TET1: variants seen among roughly 807,000 people sequenced by gnomAD.
TET1 encodes tet methylcytosine dioxygenase 1, also known as methylcytosine dioxygenase TET1.
In TET1, 13 loss-of-function variants were observed where a neutral mutation model predicts 148.7. The observed-to-expected ratio is 0.09, with a 90% CI of 0.06 to 0.14. The LOEUF is 0.14. Among genes scored for constraint, TET1 ranks in the 10% least tolerant of loss-of-function variants. The pLI, the probability that TET1 is intolerant of heterozygous loss-of-function variation, is 1.00. For missense variants in TET1, 2,182 were observed against 2,553.8 expected, an observed-to-expected ratio of 0.85 and a Z score of 3.14; for synonymous variants, 907 against 937.2, an observed-to-expected ratio of 0.97 and a Z score of 0.59.
intron 3 of TET1, among the ~76,000 whole-genome samples, chr10:68,636,774 G>A (rs1250180712): frequency 6.6e-6 from 1 of 152,108 alleles, no homozygotes; most frequent in Non-Finnish European, 1.5e-5. Context: ...CATCACCAAG[G>A]TAAGGAGAGT....
In TET1 at chr10:68,644,886, T is replaced by G. The variant is rs1293162583; in HGVS notation, c.2157T>G (p.Thr719=). ...KWTQNKKSQL[T]DHVKGDFSAN... ...CACAAAACAAGAAATCACAGTTAAC[T>G]GATCACGTGAAAGGAGATTTTAGTG... is the stretch of plus-strand genomic sequence containing the variant. Residue 719 remains threonine, a synonymous_variant, in exon 4 of 12, where the codon ACT becomes ACG. Coordinates refer to ENST00000373644, the MANE Select transcript of TET1 (RefSeq NM_030625.3). The G allele has an allele frequency of 1.9e-6, 3 of 1,613,046 alleles. No individual in the cohort carries two copies. The Admixed American group carries it at 5.0e-5, about 27-fold the overall frequency.
chr10:68,669,719 G>T (rs938455522), intron 7 of TET1, among the ~76,000 whole-genome samples: 7 of 149,918 alleles, frequency 4.7e-5, no homozygotes, highest in Admixed American at 2.0e-4. Context: ...GTGCAATCTT[G>T]GCTCACTGCA....
chr10:68,678,031 G>A (rs2055384976), intron 8 of TET1, among the ~76,000 whole-genome samples: 1 of 152,184 alleles, frequency 6.6e-6, no homozygotes, highest in African/African-American at 2.4e-5. Flanking sequence ...AAAGTCCTGG[G>A]ATTACAGGCG....
In TET1 at chr10:68,690,944, C is replaced by T. The variant is rs971626536; in HGVS notation, c.5541C>T (p.Gly1847=). Residue 1847 remains glycine, a synonymous_variant, in exon 12 of 12, where the codon GGC becomes GGT. Transcript: ENST00000373644. ...APHPVKEASP[G]FSWSPKTASA... ...ACCCAGTGAAAGAGGCATCTCCAGG[C>T]TTCTCCTGGTCCCCGAAGACTGCTT... 3.7e-6 allele frequency: 6 copies of T among 1,614,090 alleles called. No homozygotes were observed. In the African/African-American group the frequency reaches 8.0e-5, roughly 22 times the overall value.
intron 3 of TET1, among the ~76,000 whole-genome samples, chr10:68,607,901 A>G (rs1320783098): frequency 1.3e-5 from 2 of 150,738 alleles, no homozygotes; most frequent in Non-Finnish European, 2.9e-5. Flanking sequence ...AAAATGGCCT[A>G]TGCAAGAGAA....
intron 2 of TET1, among the ~76,000 whole-genome samples, chr10:68,590,348 TCTCAAACTCCTGGG>T (rs2053905572): frequency 6.6e-6 from 1 of 151,510 alleles, no homozygotes; most frequent in South Asian, 2.1e-4. Flanking sequence ...CCCAGGCTGG[TCTCAAACTCCTGGG>T]CTCAAGCAAT....
chr10:68,603,411 A>G (rs565387683), intron 3 of TET1, among the ~76,000 whole-genome samples: 3 of 152,278 alleles, frequency 2.0e-5, no homozygotes, highest in South Asian at 4.1e-4. Context: ...GAACCTGATA[A>G]CTATTGAATC....
chr10:68,643,073 A>G (rs192973861), intron 3 of TET1, among the ~76,000 whole-genome samples: 2 of 152,012 alleles, frequency 1.3e-5, no homozygotes, highest in Non-Finnish European at 2.9e-5. Context: ...AGCCTGGGCA[A>G]CATGGTGATA....
At chr10:68,651,021 A>G (rs2054924467) in intron 4 of TET1, among the ~76,000 whole-genome samples, 1 of 152,162 alleles carries the variant, frequency 6.6e-6, no homozygotes, top group African/African-American at 2.4e-5. Context: ...TATAAATATT[A>G]TTGTTTCAAT....
chr10:68,690,827 G>A lies in TET1; in HGVS notation c.5424G>A (p.Val1808=). The A allele has an allele frequency of 6.2e-7, 1 of 1,609,226 alleles. No individual in the cohort carries two copies. Among genetic ancestry groups the A allele is most frequent in the Non-Finnish European group, 8.5e-7 (1 of 1,176,426 alleles). Reference sequence around the variant, plus strand: ...GTTTAGGGAGTAACACTGAGACCGTGCAACCTGAAGTAAAAAGTGAAACCG... The same window carrying A: ...GTTTAGGGAGTAACACTGAGACCGTACAACCTGAAGTAAAAAGTGAAACCG... ...LPTLGSNTET[V]QPEVKSETEP... Residue 1808 remains valine (V), a synonymous_variant, in exon 12 of 12, where the codon GTG becomes GTA. Transcript: ENST00000373644.
intron 7 of TET1, among the ~76,000 whole-genome samples, chr10:68,670,530 T>C (rs1476788127): frequency 1.3e-5 from 2 of 152,252 alleles, no homozygotes. Flanking sequence ...ATTGGTGTTG[T>C]TGACTATTTA....
chr10:68,654,941 G>T (rs2055000049), intron 6 of TET1, among the ~76,000 whole-genome samples: 1 of 152,184 alleles, frequency 6.6e-6, no homozygotes, highest in Non-Finnish European at 1.5e-5. Context: ...TTGGCTGGAG[G>T]CCTCAGTTCC....
At position 68,681,692 on chromosome 10, in the gene TET1, C is replaced by G. The variant is rs116272451; in HGVS notation, c.4914+204C>G. 6.5e-3 allele frequency among the ~76,000 whole-genome samples: 988 copies of G among 152,236 alleles called. 8 individuals carry two copies. Among genetic ancestry groups the G allele is most frequent in the African/African-American group, 0.023 (945 of 41,532 alleles). On this transcript the variant is annotated intron_variant, in intron 9 of 11. Transcript: ENST00000373644. ...TCTTAAAAAGTCATTGTTGGCCAAG[C>G]TCGTTAGCTCACGCCTGTAATCCCA...
intron 2 of TET1, among the ~76,000 whole-genome samples, chr10:68,595,259 C>T (rs954198315): frequency 1.7e-4 from 25 of 151,164 alleles, no homozygotes; most frequent in African/African-American, 5.6e-4. Flanking sequence ...TGTACTTATT[C>T]TTATTGATTG....
intron 2 of TET1, among the ~76,000 whole-genome samples, chr10:68,575,627 G>A (rs1001845650): frequency 4.2e-4 from 64 of 151,960 alleles, no homozygotes; most frequent in African/African-American, 1.3e-3. Context: ...GCTTGAACCC[G>A]GGAGGCGGAG....
intron 2 of TET1, among the ~76,000 whole-genome samples, chr10:68,581,890 G>A (rs769995370): frequency 6.6e-6 from 1 of 151,676 alleles, no homozygotes; most frequent in African/African-American, 2.4e-5. Flanking sequence ...CCTGAAGATA[G>A]GGTCTTCATA....
chr10:68,691,800 A>C lies in TET1; in HGVS notation c.6397A>C (p.Asn2133His), dbSNP rs773490285. The C allele has an allele frequency of 6.2e-7, 1 of 1,612,378 alleles. No homozygotes were observed. Among genetic ancestry groups the C allele is most frequent in the South Asian group, 1.1e-5 (1 of 90,910 alleles). Residue 2133 changes from asparagine (N) to histidine (H), a missense_variant, in exon 12 of 12, where the codon AAC (asparagine) becomes CAC (histidine). Asn to His is a moderately conservative substitution (Grantham distance 68). Around this residue, in one of 11 missense-constraint regions of TET1, gnomAD observed 20 missense variants for 42.3 expected, o/e 0.47. Coordinates refer to ENST00000373644, the MANE Select transcript of TET1 (RefSeq NM_030625.3). This position sits in a 1 kb window ranked among gnomAD's most constrained non-coding sequence, Gnocchi z 4.4. ...TCTCACACACGTTGCGGGGCCCTAT[A>C]ACCATTGGGTCTGAAGGCTTTTCTC... ...YALTHVAGPYNHWV is the reference protein window; with the variant it reads ...YALTHVAGPYHHWV
In TET1 at chr10:68,691,261, C is replaced by A; in HGVS notation, c.5858C>A (p.Ala1953Asp). The change falls in exon 12 of 12, where the codon GCC becomes GAC. Residue 1953 changes from alanine (A) to aspartate (D), a missense_variant. Around this residue, in one of 11 missense-constraint regions of TET1, gnomAD observed 380 missense variants for 387.9 expected, o/e 0.98. Coordinates refer to ENST00000373644, the MANE Select transcript of TET1 (RefSeq NM_030625.3). This position sits in a 1 kb window ranked among gnomAD's most constrained non-coding sequence, Gnocchi z 4.4. ...TTCCTCACCTCTCCTCAAGACCTTG[C>A]CTCTTCTCCAATGGAAGAAGATGAG... Reference protein sequence around the residue: ...PSFLTSPQDLASSPMEEDEQH... With the variant: ...PSFLTSPQDLDSSPMEEDEQH... 6.2e-7 allele frequency: 1 copy of A among 1,614,162 alleles called. No individual in the cohort carries two copies. Among genetic ancestry groups the A allele is most frequent in the South Asian group, 1.1e-5 (1 of 91,080 alleles).
At chr10:68,630,405 A>G (rs927570588) in intron 3 of TET1, among the ~76,000 whole-genome samples, 15 of 152,132 alleles carry the variant, frequency 9.9e-5, no homozygotes, top group Non-Finnish European at 1.6e-4. Flanking sequence ...TCTGCCTCCC[A>G]TGTTCAAGAT....
Sources: gnomAD v4.1 joint callset for allele counts (sites outside exome capture counted in the v4.1 genomes callset) on GRCh38, gnomAD v4.1.1 for gene constraint, gnomAD v4.1.1 regional missense constraint, Gnocchi (gnomAD v3.1) non-coding constraint, MANE v1.5 for transcripts, NCBI Gene and HGNC (gene_info 2026-07-23, HGNC 2026-07-21) for gene names.